NKAIN2: variants seen among roughly 807,000 people sequenced by gnomAD.
NKAIN2 encodes sodium/potassium transporting ATPase interacting 2, also known as sodium/potassium-transporting ATPase subunit beta-1-interacting protein 2.
Under a neutral mutation model 32.6 loss-of-function variants are expected in NKAIN2, and 14 were observed. The observed-to-expected ratio is 0.43, with a 90% CI of 0.28 to 0.67. NKAIN2 has a LOEUF of 0.67. NKAIN2 is among the 30% of genes least tolerant of loss of function. The pLI, the probability that NKAIN2 is intolerant of heterozygous loss-of-function variation, is 0.17. For synonymous variants in NKAIN2, 80 were observed against 87.2 expected (o/e 0.92, Z 0.46); for missense variants, 198 against 258.3 (o/e 0.77, Z 1.60).
rs571395889 is a variant in NKAIN2, at chr6:124,405,847, T to G, written c.273+50500T>G. Among the ~76,000 whole-genome samples, 13 of 152,236 alleles carry G rather than the reference T, an allele frequency of 8.5e-5. No homozygotes were observed. The South Asian group carries it at 2.7e-3, about 32-fold the overall frequency. ...TATAAGACAAAGTAAAACAAAACAA[T>G]GGCAAAAAGAATTCAGTAACACTAC... On this transcript the variant is annotated intron_variant, in intron 3 of 6. Coordinates refer to ENST00000368417, the MANE Select transcript of NKAIN2 (RefSeq NM_001040214.3).
At chr6:124,393,021 A>T (rs1259862208) in intron 3 of NKAIN2, among the ~76,000 whole-genome samples, 1 of 152,152 alleles carries the variant, frequency 6.6e-6, no homozygotes. Flanking sequence ...AAATAAATAC[A>T]TAAATACAGT....
At chr6:124,715,991 T>A (rs1775733856) in intron 4 of NKAIN2, among the ~76,000 whole-genome samples, 1 of 152,228 alleles carries the variant, frequency 6.6e-6, no homozygotes, top group South Asian at 2.1e-4. Context: ...TTTGGTATTT[T>A]CCTATCAGCT....
chr6:123,914,497 C>T (rs1183966150), intron 1 of NKAIN2, among the ~76,000 whole-genome samples: 1 of 152,034 alleles, frequency 6.6e-6, no homozygotes, highest in African/African-American at 2.4e-5. Context: ...TCCTTAGAGG[C>T]CCCATTTCAA....
At chr6:123,828,156 A>C (rs1390096365) in intron 1 of NKAIN2, among the ~76,000 whole-genome samples, 1 of 151,950 alleles carries the variant, frequency 6.6e-6, no homozygotes, top group Middle Eastern at 3.2e-3. Flanking sequence ...CTTCCTCTGC[A>C]CTCACATAGT....
chr6:124,444,158 C>T (rs747007955), intron 3 of NKAIN2, among the ~76,000 whole-genome samples: 2 of 151,726 alleles, frequency 1.3e-5, no homozygotes, highest in Admixed American at 6.6e-5. Context: ...ATTATTGATT[C>T]GATAGTTGAT....
At chr6:124,290,661 G>T (rs1394471878) in intron 2 of NKAIN2, among the ~76,000 whole-genome samples, 3 of 146,652 alleles carry the variant, frequency 2.0e-5, no homozygotes, top group Admixed American at 2.0e-4. Flanking sequence ...GTTTTTACAG[G>T]TTTTCTTTCC....
At chr6:123,828,474 A>G (rs1774241403) in intron 1 of NKAIN2, among the ~76,000 whole-genome samples, 1 of 152,186 alleles carries the variant, frequency 6.6e-6, no homozygotes, top group African/African-American at 2.4e-5. Context: ...CTTGAAAATA[A>G]TGTTATGTTG....
chr6:124,092,590 C>T lies in NKAIN2; in HGVS notation c.55-190415C>T, dbSNP rs143863897. Among the ~76,000 whole-genome samples the T allele has an allele frequency of 2.2e-3, 341 of 152,118 alleles. 1 individual carries two copies. The highest frequency in any genetic ancestry group is 8.0e-3 in the African/African-American group (332 of 41,538). Reference sequence around the variant, plus strand: ...ACTTCATAACTATTTTATTCAAACTCACATTAATCAACTTCAGAGTGACCT... The same window carrying T: ...ACTTCATAACTATTTTATTCAAACTTACATTAATCAACTTCAGAGTGACCT... On this transcript the variant is annotated intron_variant, in intron 1 of 6. Coordinates refer to ENST00000368417, the MANE Select transcript of NKAIN2 (RefSeq NM_001040214.3).
chr6:124,395,133 G>A (rs7775339), intron 3 of NKAIN2, among the ~76,000 whole-genome samples: 6,431 of 152,148 alleles, frequency 0.042, 421 homozygotes, highest in African/African-American at 0.15. Flanking sequence ...TAGGTACAAA[G>A]TAATTGAAAT....
At chr6:124,342,814 TTTATTATTA>T (rs56290836) in intron 2 of NKAIN2, among the ~76,000 whole-genome samples, 20,127 of 145,368 alleles carry the variant, frequency 0.14, 1,553 homozygotes, top group African/African-American at 0.21. Flanking sequence ...CAGAAGATGT[TTTATTATTA>T]TTATTATTAT....
intron 2 of NKAIN2, among the ~76,000 whole-genome samples, chr6:124,334,661 A>G (rs1797795432): frequency 6.6e-6 from 1 of 152,194 alleles, no homozygotes; most frequent in South Asian, 2.1e-4. Context: ...CTTAGGTTTT[A>G]TAATACTAAT....
intron 3 of NKAIN2, among the ~76,000 whole-genome samples, chr6:124,409,515 G>A (rs1234600871): frequency 1.3e-5 from 2 of 152,234 alleles, no homozygotes; most frequent in Admixed American, 6.5e-5. Flanking sequence ...TTCCTATGTT[G>A]GACCAGCCTT....
At chr6:124,350,804 A>G (rs1798688360) in intron 2 of NKAIN2, among the ~76,000 whole-genome samples, 2 of 152,340 alleles carry the variant, frequency 1.3e-5, no homozygotes, top group South Asian at 4.1e-4. Context: ...TTCTACTCCA[A>G]AGTAATTGCC....
chr6:123,879,725 G>C (rs570960003), intron 1 of NKAIN2, among the ~76,000 whole-genome samples: 1 of 152,296 alleles, frequency 6.6e-6, no homozygotes, highest in Non-Finnish European at 1.5e-5. Context: ...GAGAAATAAA[G>C]GGGAGCTGGA....
At chr6:124,768,294 A>G (rs1353044770) in intron 4 of NKAIN2, among the ~76,000 whole-genome samples, 4 of 152,198 alleles carry the variant, frequency 2.6e-5, no homozygotes, top group African/African-American at 7.2e-5. Flanking sequence ...TTAAGCTTCT[A>G]TATCCAACCT....
chr6:124,680,225 A>C (rs1773550633), intron 4 of NKAIN2, among the ~76,000 whole-genome samples: 1 of 152,118 alleles, frequency 6.6e-6, no homozygotes, highest in South Asian at 2.1e-4. Flanking sequence ...TAATGTTTAA[A>C]ATTTAAGGAA....
At chr6:124,295,384 G>A (rs771346222) in intron 2 of NKAIN2, among the ~76,000 whole-genome samples, 34 of 152,070 alleles carry the variant, frequency 2.2e-4, no homozygotes, top group Admixed American at 5.9e-4. Flanking sequence ...CTGTGAACAC[G>A]TTGAGAGGTT....
At chr6:124,575,554 C>G (rs186497924) in intron 3 of NKAIN2, among the ~76,000 whole-genome samples, 1 of 152,320 alleles carries the variant, frequency 6.6e-6, no homozygotes, top group East Asian at 1.9e-4. Context: ...CCTGCTTCTG[C>G]ATGAAGTGTG....
At chr6:123,985,734 T>C (rs763337529) in intron 1 of NKAIN2, among the ~76,000 whole-genome samples, 36 of 152,136 alleles carry the variant, frequency 2.4e-4, no homozygotes, top group Admixed American at 1.0e-3. Context: ...TTGGTTTCAA[T>C]TGAGGGTGCA....
Sources: gnomAD v4.1 joint callset for allele counts (sites outside exome capture counted in the v4.1 genomes callset) on GRCh38, gnomAD v4.1.1 for gene constraint, MANE v1.5 for transcripts, NCBI Gene and HGNC (gene_info 2026-07-23, HGNC 2026-07-21) for gene names.